The following FGD3 variants were observed in gnomAD, a reference collection of about 807,000 sequenced individuals.
The protein encoded by FGD3 is FYVE, RhoGEF and PH domain-containing protein 3.
Under a neutral mutation model 71.8 loss-of-function variants are expected in FGD3, and 45 were observed. The observed-to-expected ratio is 0.63, with a 90% CI of 0.49 to 0.80. FGD3 has a LOEUF of 0.80. Among genes scored for constraint, FGD3 ranks in the 30% least tolerant of loss-of-function variants. The probability of loss-of-function intolerance (pLI) is 0.00; values close to 1 mark genes in which losing one functional copy is unlikely to be tolerated. For synonymous variants in FGD3, 378 were observed against 392.8 expected (o/e 0.96, Z 0.44); for missense variants, 844 against 951.5 (o/e 0.89, Z 1.49).
Position 92,975,376 on chromosome 9 carries a change from C to G in FGD3, c.-79C>G, listed in dbSNP as rs1193339511. On this transcript the variant is annotated 5_prime_UTR_variant, in exon 2 of 18. Coordinates refer to ENST00000375482, the MANE Select transcript of FGD3 (RefSeq NM_001083536.2). ...GGCGCCTGTGCCCGCCGACCCTCAGCATCCTCCTCAGAAAGGCTGGTGGCA... is the reference window on the plus strand; with the variant it reads ...GGCGCCTGTGCCCGCCGACCCTCAGGATCCTCCTCAGAAAGGCTGGTGGCA... The G allele has an allele frequency of 1.3e-5, 2 of 152,548 alleles. No individual in the cohort carries two copies. The highest frequency in any genetic ancestry group is 4.8e-5 in the African/African-American group (2 of 41,578). 9.4% of individuals were successfully genotyped at this position (152,548 alleles called of 1,614,324 possible).
intron 14 of FGD3, among the ~76,000 whole-genome samples, chr9:93,029,081 G>A (rs1373358532): frequency 7.6e-6 from 1 of 132,052 alleles, no homozygotes; most frequent in Non-Finnish European, 1.5e-5. Context: ...GTGCAATGGC[G>A]GGATCTCAGT....
chr9:92,976,177 G>A, intron 2 of FGD3, 31 bp from the exon 3 acceptor site: 13 of 1,334,688 alleles, frequency 9.7e-6, no homozygotes, highest in Non-Finnish European at 1.3e-5. Context: ...TGCCTGGCTA[G>A]CACTGACTCT....
At chr9:93,015,002 G>A (rs1346168917) in intron 9 of FGD3, among the ~76,000 whole-genome samples, 3 of 137,654 alleles carry the variant, frequency 2.2e-5, no homozygotes, top group Non-Finnish European at 3.1e-5. Context: ...GTGAGCAAGC[G>A]CTCGCCTGCC....
At chr9:92,959,346 A>G (rs918965224) in intron 1 of FGD3, among the ~76,000 whole-genome samples, 1 of 152,002 alleles carries the variant, frequency 6.6e-6, no homozygotes, top group Admixed American at 6.6e-5. Context: ...TATAATTACT[A>G]TAGTAAGTCT....
In FGD3 at chr9:92,989,919, G is replaced by GTT. The variant is rs55714845; in HGVS notation, c.454-12989_454-12988dup. On this transcript the variant is annotated intron_variant, in intron 3 of 17. Coordinates refer to ENST00000375482, the MANE Select transcript of FGD3 (RefSeq NM_001083536.2). ...TTTTTTCCTTTCACACCTTGTAGAG[G>GTT]TTTTTTTTTTTTTTTTTTACCTTTT... Among the ~76,000 whole-genome samples the GTT allele has an allele frequency of 6.4e-3, 686 of 106,526 alleles. 3 individuals carry two copies. Among genetic ancestry groups the GTT allele is most frequent in the African/African-American group, 0.023 (647 of 28,340 alleles). The allele number at this position is 106,526 out of a possible 152,430, so 69.9% of individuals were successfully genotyped here. A position where few individuals can be genotyped will look rare whatever the true frequency, so the allele number is the denominator to read the frequency against.
At position 93,004,151 on chromosome 9, in the gene FGD3, G is replaced by C. The variant is rs1346463598; in HGVS notation, c.680+14G>C. The C allele has an allele frequency of 1.2e-6, 2 of 1,612,888 alleles. No individual in the cohort carries two copies. The highest frequency in any genetic ancestry group is 1.1e-5 in the South Asian group (1 of 91,076). On this transcript the variant is annotated intron_variant, in intron 5 of 17. Coordinates refer to ENST00000375482, the MANE Select transcript of FGD3 (RefSeq NM_001083536.2). ...CACGGAGGAGTGGTGAGTACCATCTGCGCATGCCCATGGGGCCCCTCAAGT... is the reference window on the plus strand; with the variant it reads ...CACGGAGGAGTGGTGAGTACCATCTCCGCATGCCCATGGGGCCCCTCAAGT...
rs775353514 is a variant in FGD3 at position 93,022,380 on chromosome 9, T to C, written c.1548T>C (p.Gly516=). Reference sequence around the variant, plus strand: ...TGGTGACCACCGAAGGCAGTTCGGGTGCAGCAGGGGTAAGTGCCCCATGCT... The same window carrying C: ...TGGTGACCACCGAAGGCAGTTCGGGCGCAGCAGGGGTAAGTGCCCCATGCT... ...EPVVTTEGSS[G]AAGLEPRKLS... The change falls in exon 14 of 18, where the codon GGT becomes GGC. Residue 516 remains glycine, a synonymous_variant. Coordinates refer to ENST00000375482, the MANE Select transcript of FGD3 (RefSeq NM_001083536.2). The C allele has an allele frequency of 1.2e-6, 2 of 1,612,488 alleles. No homozygotes were observed. Among genetic ancestry groups the C allele is most frequent in the Non-Finnish European group, 1.7e-6 (2 of 1,179,354 alleles).
chr9:93,034,314 G>T (rs950994188), intron 16 of FGD3: 9 of 485,062 alleles, frequency 1.9e-5, no homozygotes, highest in Middle Eastern at 5.2e-4. Context: ...CCCCTTGGAG[G>T]GCCCAGCCTG....
chr9:93,018,102 G>C, intron 10 of FGD3, 34 bp from the exon 11 acceptor site: 1 of 1,598,768 alleles, frequency 6.3e-7, no homozygotes, highest in Non-Finnish European at 8.6e-7. Context: ...TGACCAGCTT[G>C]GGTTTGCTTT....
intron 1 of FGD3, among the ~76,000 whole-genome samples, chr9:92,972,177 G>A (rs569007870): frequency 4.6e-5 from 7 of 151,892 alleles, no homozygotes; most frequent in Non-Finnish European, 1.5e-5. Flanking sequence ...GGCTGGATGT[G>A]GTAGCTCATG....
chr9:92,968,876 T>C (rs1432971159), intron 1 of FGD3, among the ~76,000 whole-genome samples: 1 of 152,172 alleles, frequency 6.6e-6, no homozygotes, highest in Non-Finnish European at 1.5e-5. Context: ...CCCAAAGTGC[T>C]GGGATTGCAG....
Position 93,029,892 on chromosome 9 carries a change from T to A in FGD3, c.1576T>A (p.Ser526Thr). The A allele has an allele frequency of 1.2e-6, 2 of 1,613,058 alleles. No homozygotes were observed. The highest frequency in any genetic ancestry group is 1.7e-6 in the Non-Finnish European group (2 of 1,179,390). ...GAAGLEPRKL[S>T]SKTRRDKEKQ... is the part of the protein sequence containing the mutation. ...CTTATAGCTCGAGCCCAGAAAACTA[T>A]CCTCTAAGACCAGACGTGACAAGGA... Residue 526 changes from serine to threonine, a missense_variant, in exon 15 of 18, where the codon TCC (serine) becomes ACC (threonine). Transcript: ENST00000375482.
intron 1 of FGD3, among the ~76,000 whole-genome samples, chr9:92,961,318 G>A (rs893891973): frequency 6.6e-6 from 1 of 152,172 alleles, no homozygotes; most frequent in Admixed American, 6.5e-5. Context: ...CTTCTCTGCA[G>A]AGCCTCTGAC....
intron 3 of FGD3, among the ~76,000 whole-genome samples, chr9:92,993,914 T>C (rs937571900): frequency 3.3e-5 from 5 of 152,206 alleles, no homozygotes; most frequent in Non-Finnish European, 5.9e-5. Flanking sequence ...TGAATAGTGC[T>C]GCAATAAACA....
chr9:93,019,951 C>A, intron 12 of FGD3, 90 bp downstream of exon 12: 3 of 1,370,260 alleles, frequency 2.2e-6, no homozygotes, highest in Non-Finnish European at 3.1e-6. Context: ...GGGGCCCTGG[C>A]CTCCGGGACT....
chr9:93,033,179 G>C, intron 16 of FGD3: 1 of 440,912 alleles, frequency 2.3e-6, no homozygotes, highest in South Asian at 2.0e-5. Context: ...CTGCCCTCAA[G>C]TCCAGGCCTT....
At chr9:93,024,184 T>C (rs914496265) in intron 14 of FGD3, among the ~76,000 whole-genome samples, 10 of 152,186 alleles carry the variant, frequency 6.6e-5, no homozygotes, top group Admixed American at 2.0e-4. Flanking sequence ...TTTAGGCCCT[T>C]TTCTGGAGCA....
intron 14 of FGD3, among the ~76,000 whole-genome samples, chr9:93,025,496 T>C (rs866389614): frequency 6.6e-6 from 1 of 151,416 alleles, no homozygotes; most frequent in African/African-American, 2.4e-5. Flanking sequence ...GTGATGGAGG[T>C]GAGCTCAGTG....
chr9:93,034,470 C>T (rs995453710), intron 16 of FGD3, 71 bp from the exon 17 acceptor site: 3 of 1,511,022 alleles, frequency 2.0e-6, no homozygotes, highest in Non-Finnish European at 2.7e-6. Flanking sequence ...CTGGCCCTAC[C>T]CCAGCCTCCT....
Sources: allele counts gnomAD v4.1 joint callset (sites outside exome capture counted in the v4.1 genomes callset), GRCh38; gene constraint gnomAD v4.1.1; transcripts MANE v1.5; gene names NCBI Gene and HGNC (gene_info 2026-07-23, HGNC 2026-07-21).